The following UBE4A variants were observed in gnomAD, a reference collection of about 807,000 sequenced individuals.
UBE4A encodes the protein ubiquitination factor E4A, also known as ubiquitin conjugation factor E4 A.
In UBE4A, 48 loss-of-function variants were observed where a neutral mutation model predicts 117.9. The observed-to-expected ratio is 0.41, with a 90% CI of 0.32 to 0.52. UBE4A has a LOEUF of 0.52. Among genes scored for constraint, UBE4A ranks in the 20% least tolerant of loss-of-function variants. The pLI is 0.33. For missense variants in UBE4A, 1,067 were observed against 1,296.3 expected (o/e 0.82, Z 2.72); for synonymous variants, 407 against 450.0 (o/e 0.90, Z 1.21).
At chr11:118,390,011 G>A (rs1555127983) in intron 17 of UBE4A, 106 bp downstream of exon 17, 2 of 1,212,270 alleles carry the variant, frequency 1.6e-6, no homozygotes, top group African/African-American at 1.5e-5. Flanking sequence ...AAAAGAAATG[G>A]TTAATTCCTA....
At chr11:118,382,302 A>G (rs1403871365) in intron 12 of UBE4A, among the ~76,000 whole-genome samples, 1 of 152,204 alleles carries the variant, frequency 6.6e-6, no homozygotes, top group African/African-American at 2.4e-5. Context: ...TAAATAATGC[A>G]TTATTACAGA....
chr11:118,388,042 A>G (rs1243295897), intron 16 of UBE4A, among the ~76,000 whole-genome samples: 2 of 152,226 alleles, frequency 1.3e-5, no homozygotes, highest in Non-Finnish European at 2.9e-5. Flanking sequence ...TTTAGTGATA[A>G]GAGGCTCTGA....
rs1200049849 is a variant in UBE4A at position 118,386,362 on chromosome 11, A to C, written c.2413-76A>C. The C allele has an allele frequency of 3.3e-6, 5 of 1,501,208 alleles. No individual in the cohort carries two copies. In the South Asian group the frequency reaches 6.7e-5, roughly 20 times the overall value. The allele number at this position is 1,501,208 out of a possible 1,614,324, so 93.0% of individuals were successfully genotyped here. A position where few individuals can be genotyped will look rare whatever the true frequency, so the allele number is the denominator to read the frequency against. On this transcript the variant is annotated intron_variant, in intron 15 of 19. Coordinates refer to ENST00000252108, the MANE Select transcript of UBE4A (RefSeq NM_001204077.2). ...TCCCAGCTTAGTTGACTGGATTTTG[A>C]ATAGGACCTCTTAAATGTCACGTCC...
At chr11:118,391,957 G>C (rs1191060246) in intron 18 of UBE4A, among the ~76,000 whole-genome samples, 6 of 152,000 alleles carry the variant, frequency 3.9e-5, no homozygotes, top group Admixed American at 3.9e-4. Context: ...AAAAAGATGA[G>C]TAGTTTTCAG....
At chr11:118,366,265 C>G (rs184982482) in intron 2 of UBE4A, among the ~76,000 whole-genome samples, 3 of 152,016 alleles carry the variant, frequency 2.0e-5, no homozygotes, top group Non-Finnish European at 2.9e-5. Flanking sequence ...ATGGGAAACT[C>G]TGGTTTAGAA....
At chr11:118,376,515 G>C (rs1485239662) in intron 9 of UBE4A, 59 bp from the exon 10 acceptor site, 2 of 1,592,686 alleles carry the variant, frequency 1.3e-6, no homozygotes, top group Non-Finnish European at 1.7e-6. Flanking sequence ...TTGAATGAGT[G>C]TAAGAGGAGA....
At chr11:118,373,800 CT>C (rs1948628963) in intron 8 of UBE4A, 115 bp downstream of exon 8, 1 of 1,250,898 alleles carries the variant, frequency 8.0e-7, no homozygotes, top group Non-Finnish European at 1.1e-6. Context: ...ATCTAGTTGG[CT>C]TTTACATCAC....
chr11:118,372,080 C>T (rs1410084300), intron 5 of UBE4A, among the ~76,000 whole-genome samples: 1 of 152,114 alleles, frequency 6.6e-6, no homozygotes, highest in Admixed American at 6.6e-5. Context: ...GCCAACATGG[C>T]AAAACCTTTA....
intron 8 of UBE4A, among the ~76,000 whole-genome samples, chr11:118,374,578 T>C (rs1555125055): frequency 6.6e-6 from 1 of 152,186 alleles, no homozygotes; most frequent in African/African-American, 2.4e-5. Context: ...CATACTACAG[T>C]GATAGAGTTG....
Position 118,397,087 on chromosome 11 carries a change from CTT to C in UBE4A, c.*651_*652del. ...ATAGCTCTTAATTTTGTTATACAGT[CTT>C]TTTAATGAGGATTGGTAGGGCAATC... On this transcript the variant is annotated 3_prime_UTR_variant, in exon 20 of 20. Transcript: ENST00000252108. 6.6e-6 allele frequency: 1 copy of C among 152,294 alleles called. No homozygotes were observed. The highest frequency in any genetic ancestry group is 2.1e-4 in the South Asian group (1 of 4,826). The allele number at this position is 152,294 out of a possible 1,614,324, so 9.4% of individuals were successfully genotyped here. A position where few individuals can be genotyped will look rare whatever the true frequency, so the allele number is the denominator to read the frequency against.
chr11:118,375,393 T>C (rs1555125224), intron 9 of UBE4A, among the ~76,000 whole-genome samples, 164 bp downstream of exon 9: 1 of 152,138 alleles, frequency 6.6e-6, no homozygotes, highest in East Asian at 1.9e-4. Context: ...GGAGTCTTAC[T>C]CTGTCACTCA....
At position 118,373,267 on chromosome 11, in the gene UBE4A, T is replaced by C. The variant is rs889567415; in HGVS notation, c.903T>C (p.Thr301=). 5.6e-5 allele frequency: 90 copies of C among 1,612,518 alleles called. No individual in the cohort carries two copies. Among genetic ancestry groups the C allele is most frequent in the Non-Finnish European group, 7.2e-5 (85 of 1,179,892 alleles). The change falls in exon 7 of 20, where the codon ACT becomes ACC. Residue 301 remains threonine, a synonymous_variant. Transcript: ENST00000252108. ...ATCTGGATATTCTTCTCTATTTCAC[T>C]AGGCAAAAAGATATGGCAAAGGTAG... The part of the protein sequence containing the change: ...YAYLDILLYF[T]RQKDMAKVFV...
chr11:118,395,998 C>A (rs893030474), intron 19 of UBE4A, among the ~76,000 whole-genome samples: 2 of 151,898 alleles, frequency 1.3e-5, no homozygotes. Flanking sequence ...TAGCTTTCAC[C>A]CAGGAGGCAG....
chr11:118,370,842 C>T (rs577286236), intron 4 of UBE4A, among the ~76,000 whole-genome samples: 8 of 152,170 alleles, frequency 5.3e-5, no homozygotes, highest in African/African-American at 1.4e-4. Flanking sequence ...AATAAGAACC[C>T]GCTCTGGAGG....
Position 118,369,448 on chromosome 11 carries a change from T to A in UBE4A, c.321T>A (p.Asn107Lys). 2 of 1,614,162 alleles carry A rather than the reference T, an allele frequency of 1.2e-6. No homozygotes were observed. The highest frequency in any genetic ancestry group is 1.7e-6 in the Non-Finnish European group (2 of 1,180,018). The change falls in exon 4 of 20, where the codon AAT (asparagine) becomes AAA (lysine). Residue 107 changes from asparagine (N) to lysine (K), a missense_variant. Around this residue, in one of 3 missense-constraint regions of UBE4A, gnomAD observed 1,001 missense variants for 1,184.0 expected, o/e 0.85. Coordinates refer to ENST00000252108, the MANE Select transcript of UBE4A (RefSeq NM_001204077.2). ...GTGATCCCAGCTTGAAAAGCGGGAA[T>A]GGCATCCCTAGCCGTTGTGTGTATT... ...DNSDPSLKSGNGIPSRCVYLE... is the reference protein window; with the variant it reads ...DNSDPSLKSGKGIPSRCVYLE...
In UBE4A at chr11:118,379,452, T is replaced by C. The variant is rs781916872; in HGVS notation, c.1578T>C (p.His526=). Residue 526 remains histidine, a synonymous_variant, in exon 11 of 20, where the codon CAT becomes CAC. Transcript: ENST00000252108. ...YTLYLGFHRL[H]DQMVKINQNL... is the part of the protein sequence containing the mutation. ...TCTGCTTTCTTGGGGGCAGGTTGCA[T>C]GATCAGATGGTAAAAATCAACCAAA... 6.2e-7 allele frequency: 1 copy of C among 1,611,666 alleles called. No homozygotes were observed.
chr11:118,372,426 C>G (rs1197196065), intron 5 of UBE4A, 81 bp from the exon 6 acceptor site: 1 of 1,426,138 alleles, frequency 7.0e-7, no homozygotes, highest in Non-Finnish European at 9.4e-7. Flanking sequence ...CAGTATGTCT[C>G]TTCTATTGTA....
rs61683319 is a variant in UBE4A, at chr11:118,388,603, C to A, written c.2588-1122C>A. Reference sequence around the variant, plus strand: ...GGCGGAGGTTGCAGTGAGCAGAGATCACGCCACTGCGCTCCAGCCTAGGCA... The same window carrying A: ...GGCGGAGGTTGCAGTGAGCAGAGATAACGCCACTGCGCTCCAGCCTAGGCA... On this transcript the variant is annotated intron_variant, in intron 16 of 19. Transcript: ENST00000252108. Among the ~76,000 whole-genome samples the A allele has an allele frequency of 9.5e-3, 1,438 of 150,898 alleles. 22 individuals are homozygous for A. Among genetic ancestry groups the A allele is most frequent in the African/African-American group, 0.033 (1,371 of 41,096 alleles).
rs782115168 is a variant in UBE4A, at chr11:118,398,048, C to G, written c.*1608C>G. ...GGATTTGTTTATTTTCTAAAATTAG[C>G]TTCATTCAATATTTATCATCCTCCT... On this transcript the variant is annotated 3_prime_UTR_variant, in exon 20 of 20. Transcript: ENST00000252108. 2 of 152,706 alleles carry G rather than the reference C, an allele frequency of 1.3e-5. No homozygotes were observed. Among genetic ancestry groups the G allele is most frequent in the Middle Eastern group, 3.4e-3 (1 of 294 alleles). The allele number at this position is 152,706 out of a possible 1,614,324, so 9.5% of individuals were successfully genotyped here.
Sources: gnomAD v4.1 joint callset for allele counts (sites outside exome capture counted in the v4.1 genomes callset) on GRCh38, gnomAD v4.1.1 for gene constraint, gnomAD v4.1.1 regional missense constraint, MANE v1.5 for transcripts, NCBI Gene and HGNC (gene_info 2026-07-23, HGNC 2026-07-21) for gene names.